The following MTDH variants were observed in gnomAD, a reference collection of about 807,000 sequenced individuals.
The protein encoded by MTDH is metadherin.
A neutral mutation model predicts 72.7 loss-of-function variants in MTDH; 34 were observed. The observed-to-expected ratio is 0.47, with a 90% CI of 0.36 to 0.62. MTDH has a LOEUF of 0.62. Among genes scored for constraint, MTDH ranks in the 20% least tolerant of loss-of-function variants. MTDH has a pLI of 0.00. For missense variants in MTDH, 677 were observed against 699.4 expected (o/e 0.97, Z 0.36); for synonymous variants, 266 against 268.9 (o/e 0.99, Z 0.10).
intron 10 of MTDH, among the ~76,000 whole-genome samples, chr8:97,719,992 C>A (rs760767406): frequency 2.0e-5 from 3 of 148,752 alleles, no homozygotes; most frequent in Non-Finnish European, 3.0e-5. Flanking sequence ...TTAATTACAT[C>A]ATATAAATTC....
intron 1 of MTDH, among the ~76,000 whole-genome samples, chr8:97,651,007 G>A (rs957735146): frequency 6.6e-6 from 1 of 152,158 alleles, no homozygotes; most frequent in Non-Finnish European, 1.5e-5. Context: ...AGCACAAAAC[G>A]CATTACTAGT....
chr8:97,718,465 TG>T (rs1814965982), intron 9 of MTDH, among the ~76,000 whole-genome samples: 1 of 152,174 alleles, frequency 6.6e-6, no homozygotes, highest in Admixed American at 6.6e-5. Flanking sequence ...TTTTATTCCT[TG>T]AAGTTGTTAA....
rs1160023898 is a variant in MTDH at position 97,687,432 on chromosome 8, C to G, written c.572C>G (p.Ala191Gly). ...TTTTTTTCTGGGGCTATGTCAGGAG[C>G]CTGGGAAACTAAAATTAGTCACAGA... Reference protein sequence around the residue: ...RHDGKEVDEGAWETKISHREK... With the variant: ...RHDGKEVDEGGWETKISHREK... The change falls in exon 4 of 12, where the codon GCC (alanine) becomes GGC (glycine). Residue 191 changes from alanine to glycine, a missense_variant. Physicochemically the swap from Ala to Gly is moderately conservative, Grantham distance 60 (BLOSUM62 0). Transcript: ENST00000336273. The G allele has an allele frequency of 1.3e-6, 2 of 1,589,850 alleles. No individual in the cohort carries two copies. The highest frequency in any genetic ancestry group is 1.7e-6 in the Non-Finnish European group (2 of 1,168,716).
chr8:97,697,549 C>A (rs1457119515), intron 6 of MTDH, among the ~76,000 whole-genome samples: 1 of 151,820 alleles, frequency 6.6e-6, no homozygotes, highest in Non-Finnish European at 1.5e-5. Context: ...CCACACCCGG[C>A]TAATTTTTTG....
Position 97,661,115 on chromosome 8 carries a change from G to GCC in MTDH, c.425_426insCC (p.Thr143GlnfsTer6). On this transcript the variant is annotated frameshift_variant, in exon 2 of 12. Transcript: ENST00000336273. LOFTEE classifies it high-confidence loss of function. Reference sequence around the variant, plus strand: ...GAAGTGGCTGAGGGTGAAGCTGTTCGAACACCTCAAAGTGTAACAGCAAAG... The same window carrying GCC: ...GAAGTGGCTGAGGGTGAAGCTGTTCGCCAACACCTCAAAGTGTAACAGCAAAG... 1 of 1,613,028 alleles carries GCC rather than the reference G, an allele frequency of 6.2e-7. No homozygotes were observed. The highest frequency in any genetic ancestry group is 8.5e-7 in the Non-Finnish European group (1 of 1,179,512).
At chr8:97,694,346 C>T (rs761085831) in intron 6 of MTDH, among the ~76,000 whole-genome samples, 5 of 151,670 alleles carry the variant, frequency 3.3e-5, no homozygotes, top group South Asian at 4.2e-4. Flanking sequence ...TACAGGCGTG[C>T]GCCACCACGC....
chr8:97,687,881 G>A (rs758590967), intron 4 of MTDH, among the ~76,000 whole-genome samples: 2 of 152,098 alleles, frequency 1.3e-5, no homozygotes, highest in African/African-American at 4.8e-5. Context: ...TTTCTAGTGC[G>A]TATCACTTTG....
intron 2 of MTDH, among the ~76,000 whole-genome samples, chr8:97,681,403 A>C (rs1468680787): frequency 1.3e-5 from 2 of 151,514 alleles, no homozygotes; most frequent in Non-Finnish European, 2.9e-5. Context: ...AAATATCTGC[A>C]GCGGTTTTTT....
At chr8:97,676,442 G>T (rs868423208) in intron 2 of MTDH, among the ~76,000 whole-genome samples, 16 of 152,220 alleles carry the variant, frequency 1.1e-4, no homozygotes, top group African/African-American at 3.6e-4. Flanking sequence ...GCCTTTCTTT[G>T]TACTTTGCAA....
chr8:97,720,130 C>T (rs1240109467), intron 10 of MTDH, among the ~76,000 whole-genome samples: 3 of 151,998 alleles, frequency 2.0e-5, no homozygotes, highest in Admixed American at 2.0e-4. Context: ...ACTAAAAATA[C>T]AAAAATTGGC....
At chr8:97,669,815 G>C (rs887280470) in intron 2 of MTDH, among the ~76,000 whole-genome samples, 1 of 151,590 alleles carries the variant, frequency 6.6e-6, no homozygotes, top group Admixed American at 6.6e-5. Flanking sequence ...ATTTGGGAGG[G>C]TGAGGCAGGA....
chr8:97,706,772 GT>G lies in MTDH; in HGVS notation c.1272+23del, dbSNP rs761785455. Reference sequence around the variant, plus strand: ...AAAGGTGAGTATAAGAGATTCCTGGGTGTTTATTTGTTAATGAAAGAGACAG... The same window carrying G: ...AAAGGTGAGTATAAGAGATTCCTGGGGTTTATTTGTTAATGAAAGAGACAG... On this transcript the variant is annotated intron_variant, in intron 8 of 11. Coordinates refer to ENST00000336273, the MANE Select transcript of MTDH (RefSeq NM_178812.4). 1.9e-6 allele frequency: 3 copies of G among 1,603,514 alleles called. No individual in the cohort carries two copies. In the African/African-American group the frequency reaches 4.0e-5, roughly 22 times the overall value.
At chr8:97,692,840 A>G (rs1813672560) in intron 6 of MTDH, among the ~76,000 whole-genome samples, 1 of 151,164 alleles carries the variant, frequency 6.6e-6, no homozygotes, top group Non-Finnish European at 1.5e-5. Flanking sequence ...AGCATTTCTC[A>G]TGCCTCAGCC....
chr8:97,704,321 G>A (rs1814258734), intron 7 of MTDH, among the ~76,000 whole-genome samples: 1 of 152,188 alleles, frequency 6.6e-6, no homozygotes, highest in African/African-American at 2.4e-5. Context: ...TCTATCTCTA[G>A]TACCTACCTA....
At chr8:97,657,909 C>G (rs553283431) in intron 1 of MTDH, among the ~76,000 whole-genome samples, 2 of 152,246 alleles carry the variant, frequency 1.3e-5, no homozygotes, top group East Asian at 1.9e-4. Context: ...GTAAGTAGAT[C>G]TATATAATAT....
intron 8 of MTDH, among the ~76,000 whole-genome samples, chr8:97,711,960 T>C (rs1350720281): frequency 6.6e-6 from 1 of 152,224 alleles, no homozygotes; most frequent in Non-Finnish European, 1.5e-5. Context: ...ATTGATGCAA[T>C]CAAGATACAG....
chr8:97,663,593 A>T (rs1296309212), intron 2 of MTDH, among the ~76,000 whole-genome samples: 6 of 151,900 alleles, frequency 3.9e-5, no homozygotes, highest in African/African-American at 1.2e-4. Context: ...CTAAAAATAT[A>T]AAAAAATTAG....
chr8:97,711,202 T>C (rs1171146815), intron 8 of MTDH, among the ~76,000 whole-genome samples: 2 of 149,330 alleles, frequency 1.3e-5, no homozygotes, highest in Non-Finnish European at 3.0e-5. Flanking sequence ...AATGCAGTTA[T>C]AAGAAATAAT....
chr8:97,729,826 T>C lies in MTDH; in HGVS notation c.*5156T>C, dbSNP rs1051133887. ...AGATTTTAGAAGAAATTTCTGCCACTCAGTGACTGCTTTAAATTCTAGAGA... is the reference window on the plus strand; with the variant it reads ...AGATTTTAGAAGAAATTTCTGCCACCCAGTGACTGCTTTAAATTCTAGAGA... On this transcript the variant is annotated 3_prime_UTR_variant, in exon 12 of 12. Coordinates refer to ENST00000336273, the MANE Select transcript of MTDH (RefSeq NM_178812.4). 6.6e-6 allele frequency among the ~76,000 whole-genome samples: 1 copy of C among 152,138 alleles called. No individual in the cohort carries two copies. The highest frequency in any genetic ancestry group is 2.4e-5 in the African/African-American group (1 of 41,428).
Sources: gnomAD v4.1 joint callset for allele counts (sites outside exome capture counted in the v4.1 genomes callset) on GRCh38, gnomAD v4.1.1 for gene constraint, MANE v1.5 for transcripts, NCBI Gene and HGNC (gene_info 2026-07-23, HGNC 2026-07-21) for gene names.